Variants in COL26A1 observed in about 807,000 individuals in gnomAD.
COL26A1 encodes the protein collagen alpha-1(XXVI) chain.
COL26A1 carries 41 observed loss-of-function variants against 59.3 expected under a neutral mutation model. The observed-to-expected ratio is 0.69, with a 90% CI of 0.54 to 0.90. COL26A1 has a LOEUF of 0.90. Among genes scored for constraint, COL26A1 ranks in the 40% least tolerant of loss-of-function variants. The pLI, the probability that COL26A1 is intolerant of heterozygous loss-of-function variation, is 0.00. For missense variants in COL26A1, 612 were observed against 602.3 expected (o/e 1.02, Z -0.17); for synonymous variants, 266 against 256.0 (o/e 1.04, Z -0.37).
At chr7:101,395,244 G>A (rs1791829219) in intron 1 of COL26A1, among the ~76,000 whole-genome samples, 1 of 152,150 alleles carries the variant, frequency 6.6e-6, no homozygotes, top group Non-Finnish European at 1.5e-5. Context: ...TTCTGAAAGG[G>A]AGAAAACCTT....
chr7:101,486,623 C>T lies in COL26A1; in HGVS notation c.385+38836C>T, dbSNP rs184164070. 1.9e-4 allele frequency among the ~76,000 whole-genome samples: 29 copies of T among 152,350 alleles called. No individual in the cohort carries two copies. The East Asian group carries it at 5.2e-3, about 27-fold the overall frequency. On this transcript the variant is annotated intron_variant, in intron 3 of 12. Coordinates refer to ENST00000313669, the MANE Select transcript of COL26A1 (RefSeq NM_001278563.3). ...AGTTGTTTTAAATTAGCATACAAAT[C>T]GACATTAGTGTAGTACATCTGTTGT...
intron 2 of COL26A1, among the ~76,000 whole-genome samples, chr7:101,423,109 A>G (rs939740279): frequency 1.3e-5 from 2 of 152,080 alleles, no homozygotes; most frequent in Non-Finnish European, 2.9e-5. Flanking sequence ...CACTAAAAAT[A>G]CGAAAATTAG....
At chr7:101,540,628 G>A (rs972178571) in intron 5 of COL26A1, among the ~76,000 whole-genome samples, 3 of 151,922 alleles carry the variant, frequency 2.0e-5, no homozygotes, top group Non-Finnish European at 4.4e-5. Flanking sequence ...CAAGGCAGGT[G>A]GATCATTTGA....
chr7:101,469,515 CAG>C (rs1432648876), intron 3 of COL26A1, among the ~76,000 whole-genome samples: 6 of 146,444 alleles, frequency 4.1e-5, no homozygotes, highest in African/African-American at 1.3e-4. Context: ...TTTTTTGAGA[CAG>C]AGTTTTGCTC....
intron 3 of COL26A1, among the ~76,000 whole-genome samples, chr7:101,467,273 A>G (rs1331626086): frequency 7.2e-5 from 11 of 151,790 alleles, no homozygotes; most frequent in Non-Finnish European, 1.3e-4. Flanking sequence ...AATAGGTGAT[A>G]AAGAGAGAAA....
At chr7:101,405,020 G>A (rs34057479) in intron 1 of COL26A1, among the ~76,000 whole-genome samples, 25,928 of 152,096 alleles carry the variant, frequency 0.17, 2,738 homozygotes, top group Non-Finnish European at 0.23. Flanking sequence ...TCAGGAGATC[G>A]AGACCATCCT....
chr7:101,468,301 C>CA lies in COL26A1; in HGVS notation c.385+20527dup, dbSNP rs35048256. 9.2e-3 allele frequency among the ~76,000 whole-genome samples: 1,254 copies of CA among 136,572 alleles called. 10 individuals are homozygous for CA. Among genetic ancestry groups the CA allele is most frequent in the African/African-American group, 0.024 (911 of 37,464 alleles). The allele number at this position is 136,572 out of a possible 152,430, so 89.6% of individuals were successfully genotyped here. On this transcript the variant is annotated intron_variant, in intron 3 of 12. Coordinates refer to ENST00000313669, the MANE Select transcript of COL26A1 (RefSeq NM_001278563.3). ...TGGGCAACAGAGCAAGACTCAGTCT[C>CA]AAAAAAAAAAAAATAAAAGAAATTA...
At chr7:101,471,567 GTTTGTTTTTT>G (rs1793902706) in intron 3 of COL26A1, among the ~76,000 whole-genome samples, 1 of 112,386 alleles carries the variant, frequency 8.9e-6, no homozygotes, top group African/African-American at 3.5e-5. Flanking sequence ...TGTTGTTGTT[GTTTGTTTTTT>G]TTTTTTTTTT....
chr7:101,511,716 G>T (rs1049980088), intron 3 of COL26A1, among the ~76,000 whole-genome samples: 5 of 152,198 alleles, frequency 3.3e-5, no homozygotes, highest in African/African-American at 1.2e-4. Flanking sequence ...GCCAACAAAA[G>T]GGAGGACCCC....
At chr7:101,526,853 A>G (rs1225971235) in intron 3 of COL26A1, among the ~76,000 whole-genome samples, 1 of 152,144 alleles carries the variant, frequency 6.6e-6, no homozygotes, top group African/African-American at 2.4e-5. Flanking sequence ...AGATGGGAAA[A>G]CTGAGGTGTG....
chr7:101,529,950 C>T (rs144454743), intron 3 of COL26A1, among the ~76,000 whole-genome samples: 63 of 152,228 alleles, frequency 4.1e-4, no homozygotes, highest in Admixed American at 2.6e-3. Context: ...GGCAGGCATT[C>T]GGGTCTGTGC....
intron 1 of COL26A1, among the ~76,000 whole-genome samples, chr7:101,404,858 TGCCACTGCACCCCAG>T (rs1792090526): frequency 6.6e-6 from 1 of 152,092 alleles, no homozygotes; most frequent in South Asian, 2.1e-4. Flanking sequence ...GCTGTGATCA[TGCCACTGCACCCCAG>T]CCTGGGTCAC....
chr7:101,520,662 A>ACACACACACACACACACACACACCCC (rs915256077), intron 3 of COL26A1, among the ~76,000 whole-genome samples: 3 of 143,240 alleles, frequency 2.1e-5, no homozygotes, highest in African/African-American at 7.8e-5. Context: ...ACACACACAC[A>ACACACACACACACACACACACACCCC]CCCCCGTGTT....
intron 3 of COL26A1, among the ~76,000 whole-genome samples, chr7:101,471,466 G>A (rs1455343257): frequency 6.6e-6 from 1 of 152,036 alleles, no homozygotes; most frequent in Non-Finnish European, 1.5e-5. Context: ...TTACAGAATA[G>A]GCTATCCTCA....
intron 3 of COL26A1, among the ~76,000 whole-genome samples, chr7:101,489,788 T>TG (rs1563007912): frequency 3.4e-3 from 8 of 2,340 alleles, no homozygotes; most frequent in South Asian, 0.018. Flanking sequence ...CTTTCTTTCT[T>TG]TCTTTCTTTC....
At chr7:101,513,835 T>A (rs1304037868) in intron 3 of COL26A1, among the ~76,000 whole-genome samples, 1 of 152,142 alleles carries the variant, frequency 6.6e-6, no homozygotes, top group Non-Finnish European at 1.5e-5. Flanking sequence ...GGAGGAGATA[T>A]TCGCAAAGCA....
At position 101,423,774 on chromosome 7, in the gene COL26A1, C is replaced by T. The variant is rs138783244; in HGVS notation, c.281+3675C>T. On this transcript the variant is annotated intron_variant, in intron 2 of 12. Transcript: ENST00000313669. The stretch of plus-strand genomic sequence containing the variant: ...ACCGGGGTCTTCGATGTGGTGTTCA[C>T]TGACTTTCCAGGGAGTTCTTCTCAC... Among the ~76,000 whole-genome samples, 257 of 151,926 alleles carry T rather than the reference C, an allele frequency of 1.7e-3. 1 individual carries two copies. Among genetic ancestry groups the T allele is most frequent in the Middle Eastern group, 0.01 (3 of 290 alleles).
Position 101,547,118 on chromosome 7 carries a change from G to A in COL26A1, c.857-38G>A, listed in dbSNP as rs138821328. 4.0e-4 allele frequency: 588 copies of A among 1,475,682 alleles called. 6 individuals carry two copies. In the African/African-American group the frequency reaches 7.4e-3, roughly 19 times the overall value. The allele number at this position is 1,475,682 out of a possible 1,614,324, so 91.4% of individuals were successfully genotyped here. A position where few individuals can be genotyped will look rare whatever the true frequency, so the allele number is the denominator to read the frequency against. ...CCAGCCTCCCAGCACTGCCAGGTCT[G>A]CCCCACCAGACCCCTGGCCGCTCCG... On this transcript the variant is annotated intron_variant, in intron 7 of 12. Transcript: ENST00000313669.
intron 2 of COL26A1, among the ~76,000 whole-genome samples, chr7:101,424,641 G>A (rs894051050): frequency 6.6e-6 from 1 of 152,148 alleles, no homozygotes; most frequent in Non-Finnish European, 1.5e-5. Context: ...GGTTAACACA[G>A]TTTTCTTTCT....
Sources: allele counts gnomAD v4.1 joint callset (sites outside exome capture counted in the v4.1 genomes callset), GRCh38; gene constraint gnomAD v4.1.1; transcripts MANE v1.5; gene names NCBI Gene and HGNC (gene_info 2026-07-23, HGNC 2026-07-21).